The following PPP1R12B variants were observed in gnomAD, a reference collection of about 807,000 sequenced individuals.
The protein encoded by PPP1R12B is protein phosphatase 1 regulatory subunit 12B.
PPP1R12B carries 76 observed loss-of-function variants against 126.1 expected under a neutral mutation model. The observed-to-expected ratio is 0.60, with a 90% CI of 0.50 to 0.73. PPP1R12B has a LOEUF of 0.73. Ranked by LOEUF, PPP1R12B falls within the 30% of genes least tolerant of loss-of-function variation. The probability of loss-of-function intolerance (pLI) is 0.00; values close to 1 mark genes in which losing one functional copy is unlikely to be tolerated. For missense variants in PPP1R12B, 1,052 were observed against 1,205.1 expected (o/e 0.87, Z 1.88); for synonymous variants, 356 against 434.7 (o/e 0.82, Z 2.25).
In PPP1R12B at chr1:202,563,444, A is replaced by G. The variant is rs112224363; in HGVS notation, c.2652+522A>G. On this transcript the variant is annotated intron_variant, in intron 20 of 23. Coordinates refer to ENST00000608999, the MANE Select transcript of PPP1R12B (RefSeq NM_002481.4). ...ATGTTGCTTTTAGTGCAGTAAGTGT[A>G]TAGTTAGAATCAGGTATTTAGAAGT... Among the ~76,000 whole-genome samples the G allele has an allele frequency of 4.8e-3, 726 of 152,188 alleles. 3 individuals are homozygous for G. Among genetic ancestry groups the G allele is most frequent in the African/African-American group, 0.017 (690 of 41,530 alleles).
chr1:202,480,256 G>A (rs1457049039), intron 13 of PPP1R12B, among the ~76,000 whole-genome samples: 1 of 152,200 alleles, frequency 6.6e-6, no homozygotes, highest in Non-Finnish European at 1.5e-5. Flanking sequence ...TGAGTTTGCA[G>A]TAGTAGACCA....
intron 1 of PPP1R12B, among the ~76,000 whole-genome samples, chr1:202,414,392 T>TA (rs1410810336): frequency 2.0e-5 from 3 of 152,252 alleles, no homozygotes; most frequent in Non-Finnish European, 4.4e-5. Context: ...TCATGTGTGA[T>TA]TTTCTAACAC....
intron 18 of PPP1R12B, among the ~76,000 whole-genome samples, chr1:202,552,132 G>A (rs758259742): frequency 3.9e-5 from 6 of 152,176 alleles, no homozygotes; most frequent in Non-Finnish European, 5.9e-5. Flanking sequence ...TTGAAAATTT[G>A]ATGATAATTT....
At chr1:202,476,497 A>G (rs545986006) in intron 13 of PPP1R12B, among the ~76,000 whole-genome samples, 3 of 151,914 alleles carry the variant, frequency 2.0e-5, no homozygotes, top group South Asian at 4.2e-4. Context: ...AGCCTGGCCA[A>G]TGTGGTGGAA....
At chr1:202,438,235 TA>T in intron 10 of PPP1R12B, 1 of 1,576,628 alleles carries the variant, frequency 6.3e-7, no homozygotes, top group Admixed American at 1.8e-5. Context: ...AAAAAAGCTT[TA>T]AAAATAGCTT....
intron 12 of PPP1R12B, among the ~76,000 whole-genome samples, chr1:202,447,711 A>G (rs1485092509): frequency 6.6e-6 from 1 of 152,244 alleles, no homozygotes; most frequent in East Asian, 1.9e-4. Context: ...CAAAAGCATA[A>G]GAAATTACAG....
At position 202,357,961 on chromosome 1, in the gene PPP1R12B, C is replaced by T. The variant is rs1194008818; in HGVS notation, c.291+8819C>T. Among the ~76,000 whole-genome samples, 4 of 152,156 alleles carry T rather than the reference C, an allele frequency of 2.6e-5. No individual in the cohort carries two copies. The East Asian group carries it at 7.7e-4, about 29-fold the overall frequency. ...GCTACATAACCGATTTCTGTTCTAGCATTCTGGCTCTTGAGGAGTGTCAGG... is the reference window on the plus strand; with the variant it reads ...GCTACATAACCGATTTCTGTTCTAGTATTCTGGCTCTTGAGGAGTGTCAGG... On this transcript the variant is annotated intron_variant, in intron 1 of 23. Coordinates refer to ENST00000608999, the MANE Select transcript of PPP1R12B (RefSeq NM_002481.4).
chr1:202,349,611 C>A (rs1246936418), intron 1 of PPP1R12B, among the ~76,000 whole-genome samples: 1 of 152,160 alleles, frequency 6.6e-6, no homozygotes, highest in Non-Finnish European at 1.5e-5. Flanking sequence ...ACAAGCAGGT[C>A]TGAAACCACA....
In PPP1R12B at chr1:202,586,941, C is replaced by T. The variant is rs1322111936; in HGVS notation, c.*6381C>T. 6.6e-6 allele frequency: 1 copy of T among 152,208 alleles called. No homozygotes were observed. Among genetic ancestry groups the T allele is most frequent in the East Asian group, 1.9e-4 (1 of 5,200 alleles). 9.4% of individuals were successfully genotyped at this position (152,208 alleles called of 1,614,324 possible). ...TAGCCCAGAGCTTTTAAAATGAGGT[C>T]TGGCATATACTTGATTACAAATGAA... On this transcript the variant is annotated 3_prime_UTR_variant, in exon 24 of 24. Coordinates refer to ENST00000608999, the MANE Select transcript of PPP1R12B (RefSeq NM_002481.4).
At position 202,508,303 on chromosome 1, in the gene PPP1R12B, T is replaced by C. The variant is rs1377418618; in HGVS notation, c.2490+11481T>C. On this transcript the variant is annotated intron_variant, in intron 18 of 23. Coordinates refer to ENST00000608999, the MANE Select transcript of PPP1R12B (RefSeq NM_002481.4). The surrounding 1 kb of genome is among the most constrained non-coding windows in gnomAD (Gnocchi z 4.5). The stretch of plus-strand genomic sequence containing the variant: ...TTCACACAGATGTGCCTTCATAGAA[T>C]ATGTACTTTTAAGAAACTCTTAACT... Among the ~76,000 whole-genome samples, 1 of 152,230 alleles carries C rather than the reference T, an allele frequency of 6.6e-6. No homozygotes were observed. The highest frequency in any genetic ancestry group is 1.9e-4 in the East Asian group (1 of 5,198).
intron 13 of PPP1R12B, among the ~76,000 whole-genome samples, chr1:202,450,164 A>G (rs1408326181): frequency 6.6e-6 from 1 of 152,206 alleles, no homozygotes; most frequent in Non-Finnish European, 1.5e-5. Context: ...AGTATGACAC[A>G]AGGCTCAAAG....
Position 202,349,195 on chromosome 1 carries a change from G to A in PPP1R12B, c.291+53G>A, listed in dbSNP as rs1255359793. 1.3e-5 allele frequency: 21 copies of A among 1,593,786 alleles called. No homozygotes were observed. The East Asian group carries it at 1.8e-4, about 14-fold the overall frequency. Reference sequence around the variant, plus strand: ...TCCAGTCTCCTACAGATGAGCCTTTGACCCTGCGAGCCACCCCATGGGGAG... The same window carrying A: ...TCCAGTCTCCTACAGATGAGCCTTTAACCCTGCGAGCCACCCCATGGGGAG... On this transcript the variant is annotated intron_variant, in intron 1 of 23. Transcript: ENST00000608999.
At chr1:202,426,353 G>A (rs1418250036) in intron 4 of PPP1R12B, among the ~76,000 whole-genome samples, 4 of 152,176 alleles carry the variant, frequency 2.6e-5, no homozygotes, top group Admixed American at 1.3e-4. Context: ...AATAGGTATA[G>A]CAGTGTTTTG....
chr1:202,437,709 A>T, intron 9 of PPP1R12B, 112 bp from the exon 10 acceptor site: 1 of 931,748 alleles, frequency 1.1e-6, no homozygotes, highest in Non-Finnish European at 1.6e-6. Flanking sequence ...TGTTCTTCTT[A>T]GCTACCTTAT....
intron 13 of PPP1R12B, among the ~76,000 whole-genome samples, chr1:202,468,728 C>T (rs1197166489): frequency 6.6e-5 from 10 of 151,930 alleles, no homozygotes; most frequent in Admixed American, 3.3e-4. Flanking sequence ...CTGAGGCGGG[C>T]GGATCACCTG....
At chr1:202,432,914 C>G (rs1670361339) in intron 8 of PPP1R12B, among the ~76,000 whole-genome samples, 1 of 152,190 alleles carries the variant, frequency 6.6e-6, no homozygotes, top group Non-Finnish European at 1.5e-5. Flanking sequence ...CTGATGAGGT[C>G]TGGCTTTGCT....
At chr1:202,356,192 ATAAG>A (rs1004790708) in intron 1 of PPP1R12B, among the ~76,000 whole-genome samples, 14 of 151,978 alleles carry the variant, frequency 9.2e-5, no homozygotes, top group Middle Eastern at 3.4e-3. Context: ...TCTCAAATAA[ATAAG>A]TAAGTAAGTA....
intron 1 of PPP1R12B, among the ~76,000 whole-genome samples, chr1:202,355,387 TTC>T (rs1240327850): frequency 6.6e-6 from 1 of 151,998 alleles, no homozygotes; most frequent in Non-Finnish European, 1.5e-5. Flanking sequence ...CCTTTTAGAG[TTC>T]CAAATTCTAT....
At chr1:202,569,647 A>G (rs1165589812) in intron 23 of PPP1R12B, among the ~76,000 whole-genome samples, 1 of 152,116 alleles carries the variant, frequency 6.6e-6, no homozygotes, top group Non-Finnish European at 1.5e-5. Context: ...TGGCAAGAAC[A>G]CAGATTGAAT....
Sources: allele counts gnomAD v4.1 joint callset (sites outside exome capture counted in the v4.1 genomes callset), GRCh38; gene constraint gnomAD v4.1.1; non-coding constraint Gnocchi (gnomAD v3.1); transcripts MANE v1.5; gene names NCBI Gene and HGNC (gene_info 2026-07-23, HGNC 2026-07-21).